Variants in KAZN observed in about 807,000 individuals in gnomAD.
KAZN encodes the protein kazrin.
Under a neutral mutation model 87.4 loss-of-function variants are expected in KAZN, and 40 were observed. The ratio of observed to expected loss-of-function variants is 0.46; its 90% CI spans 0.36 to 0.60. KAZN has a LOEUF of 0.60. Among genes scored for constraint, KAZN ranks in the 20% least tolerant of loss-of-function variants. KAZN has a pLI of 0.00. For missense variants in KAZN, 898 were observed against 1,073.9 expected (o/e 0.84, Z 2.29); for synonymous variants, 466 against 458.3 (o/e 1.02, Z -0.22).
intron 2 of KAZN, among the ~76,000 whole-genome samples, chr1:14,251,087 A>G (rs1378783642): frequency 1.3e-5 from 2 of 152,174 alleles, no homozygotes; most frequent in African/African-American, 4.8e-5. Context: ...CCTGGAACTG[A>G]AACTATGTAA....
intron 2 of KAZN, among the ~76,000 whole-genome samples, chr1:14,204,938 A>G (rs1646709226): frequency 6.6e-6 from 1 of 152,248 alleles, no homozygotes; most frequent in South Asian, 2.1e-4. Context: ...TCAGCAACTT[A>G]ACTAATAAAA....
In KAZN at chr1:14,367,046, A is replaced by G. The variant is rs111444607; in HGVS notation, c.249+186454A>G. Among the ~76,000 whole-genome samples the G allele has an allele frequency of 2.7e-3, 410 of 152,320 alleles. 4 individuals are homozygous for G. Among genetic ancestry groups the G allele is most frequent in the African/African-American group, 9.4e-3 (392 of 41,578 alleles). On this transcript the variant is annotated intron_variant, in intron 2 of 16. Transcript: ENST00000636203. ...GGAGTTCAAGACTAGCCTGGCCAAC[A>G]TGGTGAAACCCTGTCTCTACTAAAA...
At chr1:14,586,267 T>C (rs1675840413) in intron 2 of KAZN, among the ~76,000 whole-genome samples, 1 of 152,204 alleles carries the variant, frequency 6.6e-6, no homozygotes, top group Non-Finnish European at 1.5e-5. Context: ...TGATCAGAAG[T>C]AGAGCTGGTC....
In KAZN at chr1:15,112,571, T is replaced by C. The variant is rs1375723279; in HGVS notation, c.2163+30T>C. ...GTCTCTCAATGGATTTACCTGTGAG[T>C]CCTGCAGACCCGGGAAAGGTCTTTT... On this transcript the variant is annotated intron_variant, in intron 14 of 14. Transcript: ENST00000376030. The C allele has an allele frequency of 4.6e-6, 7 of 1,522,002 alleles. No homozygotes were observed. The South Asian group carries it at 5.9e-5, about 13-fold the overall frequency. 94.3% of individuals were successfully genotyped at this position (1,522,002 alleles called of 1,614,324 possible).
intron 2 of KAZN, among the ~76,000 whole-genome samples, chr1:14,541,910 C>G (rs904647303): frequency 6.6e-6 from 1 of 152,198 alleles, no homozygotes; most frequent in Non-Finnish European, 1.5e-5. Flanking sequence ...CCAGTGGAAA[C>G]GTCCACTTAC....
intron 4 of KAZN, among the ~76,000 whole-genome samples, chr1:15,051,237 C>A (rs959175594): frequency 1.3e-5 from 2 of 152,244 alleles, no homozygotes; most frequent in African/African-American, 4.8e-5. Context: ...CAGGGCCAGA[C>A]TTGCTCTCTG....
At chr1:14,754,323 G>T (rs963452108) in intron 1 of KAZN, among the ~76,000 whole-genome samples, 9 of 152,188 alleles carry the variant, frequency 5.9e-5, no homozygotes, top group African/African-American at 2.2e-4. Flanking sequence ...TTTGTGCATT[G>T]AATAGGTCTA....
intron 2 of KAZN, among the ~76,000 whole-genome samples, chr1:14,493,129 A>C (rs1404920698): frequency 1.3e-5 from 2 of 151,566 alleles, no homozygotes; most frequent in African/African-American, 4.9e-5. Context: ...CCTCCCTCCC[A>C]CCTGATCCTT....
At chr1:13,934,787 G>A (rs1017605171) in intron 1 of KAZN, among the ~76,000 whole-genome samples, 2 of 146,704 alleles carry the variant, frequency 1.4e-5, no homozygotes, top group Non-Finnish European at 3.0e-5. Flanking sequence ...ATTTACTTGG[G>A]TTGTTTACTT....
At chr1:14,499,884 G>A (rs950244092) in intron 2 of KAZN, among the ~76,000 whole-genome samples, 3 of 152,132 alleles carry the variant, frequency 2.0e-5, no homozygotes, top group East Asian at 1.9e-4. Flanking sequence ...GCCCCTGGCC[G>A]AGCTCTGCAT....
intron 2 of KAZN, among the ~76,000 whole-genome samples, chr1:14,213,360 A>T (rs1646894807): frequency 6.6e-6 from 1 of 152,184 alleles, no homozygotes; most frequent in South Asian, 2.1e-4. Flanking sequence ...AGAACCAAGA[A>T]ATATGATGGA....
chr1:15,060,707 T>A, intron 6 of KAZN: 1 of 185,470 alleles, frequency 5.4e-6, no homozygotes, highest in Non-Finnish European at 1.1e-5. Flanking sequence ...AGTCTTGGCA[T>A]GAATTGCCTC....
chr1:14,506,445 C>A (rs1319919801), intron 2 of KAZN, among the ~76,000 whole-genome samples: 1 of 152,190 alleles, frequency 6.6e-6, no homozygotes, highest in Non-Finnish European at 1.5e-5. Context: ...CCTGTGAATT[C>A]CAGAGCAGAA....
At chr1:14,401,692 AAAAT>A (rs1175923017) in intron 2 of KAZN, among the ~76,000 whole-genome samples, 2 of 152,146 alleles carry the variant, frequency 1.3e-5, no homozygotes, top group African/African-American at 4.8e-5. Flanking sequence ...ATGTGGTCTC[AAAAT>A]AAATAAGTAA....
At chr1:14,257,352 T>G (rs954919659) in intron 2 of KAZN, among the ~76,000 whole-genome samples, 1 of 145,418 alleles carries the variant, frequency 6.9e-6, no homozygotes, top group Non-Finnish European at 1.5e-5. Context: ...TTGAGTTCAT[T>G]GTAGATTCTG....
chr1:14,584,127 C>T (rs1452721640), intron 2 of KAZN, among the ~76,000 whole-genome samples: 2 of 152,192 alleles, frequency 1.3e-5, no homozygotes, highest in African/African-American at 2.4e-5. Flanking sequence ...ACAAGTGCTC[C>T]TCCCCACTCC....
chr1:14,453,870 C>T (rs968392695), intron 2 of KAZN, among the ~76,000 whole-genome samples: 4 of 152,072 alleles, frequency 2.6e-5, no homozygotes, highest in African/African-American at 9.7e-5. Context: ...TGCCATAAGC[C>T]CAATCCAAGA....
At chr1:13,912,387 G>A (rs192045135) in intron 1 of KAZN, among the ~76,000 whole-genome samples, 43 of 152,208 alleles carry the variant, frequency 2.8e-4, no homozygotes, top group African/African-American at 1.0e-3. Context: ...ACATGAAACC[G>A]TGTGCTGCTT....
intron 2 of KAZN, among the ~76,000 whole-genome samples, chr1:14,368,357 G>A (rs895840090): frequency 6.6e-6 from 1 of 152,190 alleles, no homozygotes; most frequent in Non-Finnish European, 1.5e-5. Flanking sequence ...TCAGATGCAA[G>A]CAGCTGTTTA....
Sources: allele counts gnomAD v4.1 joint callset (sites outside exome capture counted in the v4.1 genomes callset), GRCh38; gene constraint gnomAD v4.1.1; transcripts MANE v1.5; gene names NCBI Gene and HGNC (gene_info 2026-07-23, HGNC 2026-07-21).